Variants in CYP2A13 observed in about 807,000 individuals in gnomAD.
CYP2A13 encodes cytochrome P450 family 2 subfamily A member 13, also known as cytochrome P450 2A13.
In CYP2A13, 30 loss-of-function variants were observed where a neutral mutation model predicts 39.4. The observed-to-expected ratio is 0.76, with a 90% CI of 0.57 to 1.03. The LOEUF is 1.03. Ranked by LOEUF, CYP2A13 falls within the 50% of genes least tolerant of loss-of-function variation. CYP2A13 has a pLI of 0.00. For missense variants in CYP2A13, 731 were observed against 648.4 expected (o/e 1.13, Z -1.38); for synonymous variants, 269 against 254.7 (o/e 1.06, Z -0.54).
At chr19:41,095,738 C>T in intron 8 of CYP2A13, 22 bp from the exon 9 acceptor site, 1 of 1,613,406 alleles carries the variant, frequency 6.2e-7, no homozygotes, top group South Asian at 1.1e-5. Context: ...TCACCTTCAC[C>T]CCTCCTGCCT....
At position 41,095,916 on chromosome 19, in the gene CYP2A13, A is replaced by G. The variant is rs1301752763; in HGVS notation, c.1460A>G (p.Tyr487Cys). ...HVGFATIPRN[Y>C]TMSFLPR ...GGCTTTGCCACGATCCCACGAAACT[A>G]CACCATGAGCTTCCTGCCCCGCTGA... The change falls in exon 9 of 9, where the codon TAC becomes TGC. Residue 487 changes from tyrosine (Y) to cysteine (C), a missense_variant. Coordinates refer to ENST00000330436, the MANE Select transcript of CYP2A13 (RefSeq NM_000766.5). The G allele has an allele frequency of 8.2e-6, 13 of 1,589,772 alleles. No individual in the cohort carries two copies. Among genetic ancestry groups the G allele is most frequent in the Non-Finnish European group, 1.1e-5 (13 of 1,165,728 alleles).
chr19:41,090,247 G>C (rs755015057), intron 3 of CYP2A13, 51 bp downstream of exon 3: 21 of 1,549,212 alleles, frequency 1.4e-5, no homozygotes, highest in Admixed American at 5.7e-5. Flanking sequence ...TTTCTGCCTG[G>C]GGATGGGGAC....
chr19:41,089,234 T>G, intron 2 of CYP2A13, 143 bp downstream of exon 2: 1 of 1,444,382 alleles, frequency 6.9e-7, no homozygotes, highest in African/African-American at 1.4e-5. Flanking sequence ...CCCTTCATCG[T>G]GGCCTCTCCC....
intron 2 of CYP2A13, among the ~76,000 whole-genome samples, 180 bp from the exon 3 acceptor site, chr19:41,089,867 T>TG: frequency 9.1e-6 from 1 of 110,490 alleles, no homozygotes; most frequent in Admixed American, 9.5e-5. Flanking sequence ...TCTCTCTCTC[T>TG]CTCTCGTGCT....
At chr19:41,092,011 C>G (rs540160380) in intron 5 of CYP2A13, 103 bp downstream of exon 5, 2 of 1,512,350 alleles carry the variant, frequency 1.3e-6, no homozygotes, top group African/African-American at 1.4e-5. Context: ...AATTAGCCCT[C>G]GTCATAATAA....
At chr19:41,094,536 C>A in intron 7 of CYP2A13, 104 bp downstream of exon 7, 1 of 1,336,588 alleles carries the variant, frequency 7.5e-7, no homozygotes, top group Non-Finnish European at 1.1e-6. Context: ...CTCTGTCCCA[C>A]TCCCTCAATC....
chr19:41,090,045 A>G lies in CYP2A13; in HGVS notation c.344-2A>G, dbSNP rs1353814997. 20 of 1,610,558 alleles carry G rather than the reference A, an allele frequency of 1.2e-5. No homozygotes were observed. Among genetic ancestry groups the G allele is most frequent in the Non-Finnish European group, 1.7e-5 (20 of 1,178,998 alleles). On this transcript the variant is annotated splice_acceptor_variant, in intron 2 of 8. Coordinates refer to ENST00000330436, the MANE Select transcript of CYP2A13 (RefSeq NM_000766.5). LOFTEE classifies it high-confidence loss of function. ...TCTCCACCCCCGCGTTCACCTCCCCAGGCGTGGCGTTCAGCAACGGGGAGC... is the reference window on the plus strand; with the variant it reads ...TCTCCACCCCCGCGTTCACCTCCCCGGGCGTGGCGTTCAGCAACGGGGAGC...
intron 3 of CYP2A13, 92 bp from the exon 4 acceptor site, chr19:41,090,312 G>T: frequency 1.9e-6 from 3 of 1,587,996 alleles, no homozygotes; most frequent in Non-Finnish European, 2.6e-6. Context: ...CTGGGATTCG[G>T]CTCAACAGGG....
Position 41,088,767 on chromosome 19 carries a change from T to G in CYP2A13, c.180+116T>G, listed in dbSNP as rs1366994549. 1.2e-5 allele frequency: 19 copies of G among 1,534,288 alleles called. No individual in the cohort carries two copies. The Admixed American group carries it at 2.0e-4, about 16-fold the overall frequency. ...AGTCTTAGGAAAGGGAGTCTTGGAGTTTCAGCATCAGGGTCCTAGCAGGAA... is the reference window on the plus strand; with the variant it reads ...AGTCTTAGGAAAGGGAGTCTTGGAGGTTCAGCATCAGGGTCCTAGCAGGAA... On this transcript the variant is annotated intron_variant, in intron 1 of 8. Coordinates refer to ENST00000330436, the MANE Select transcript of CYP2A13 (RefSeq NM_000766.5).
Position 41,095,752 on chromosome 19 carries a change from C to T in CYP2A13, c.1304-8C>T, listed in dbSNP as rs371228512. On this transcript the variant is annotated splice_region_variant and splice_polypyrimidine_tract_variant and intron_variant, in intron 8 of 8. Transcript: ENST00000330436. ...TTCACCTTCACCCCTCCTGCCTCTC[C>T]TCCTCAGGAAAGCGGTACTGTTTTG... 23 of 1,613,968 alleles carry T rather than the reference C, an allele frequency of 1.4e-5. No individual in the cohort carries two copies. Among genetic ancestry groups the T allele is most frequent in the East Asian group, 4.5e-5 (2 of 44,884 alleles).
chr19:41,093,344 C>T (rs1193836557), intron 5 of CYP2A13, among the ~76,000 whole-genome samples: 1 of 151,512 alleles, frequency 6.6e-6, no homozygotes, highest in Non-Finnish European at 1.5e-5. Flanking sequence ...GCCTGTGCAA[C>T]TTAGCAAGAC....
At chr19:41,094,072 G>A (rs2031246891) in intron 6 of CYP2A13, among the ~76,000 whole-genome samples, 173 bp from the exon 7 acceptor site, 1 of 152,072 alleles carries the variant, frequency 6.6e-6, no homozygotes, top group African/African-American at 2.4e-5. Context: ...GACACAACCT[G>A]GTTTAACAGG....
rs374117246 is a variant in CYP2A13 at position 41,088,457 on chromosome 19, C to T, written c.-15C>T. On this transcript the variant is annotated 5_prime_UTR_variant, in exon 1 of 9. Transcript: ENST00000330436. ...AACCACCCCAGCCATCACCATCTAT[C>T]ATCCCACTGCCACCATGCTGGCCTC... 7 of 1,610,128 alleles carry T rather than the reference C, an allele frequency of 4.3e-6. No homozygotes were observed. The highest frequency in any genetic ancestry group is 1.1e-5 in the South Asian group (1 of 90,580).
chr19:41,090,837 C>T (rs1645691), intron 4 of CYP2A13, among the ~76,000 whole-genome samples: 6,274 of 152,252 alleles, frequency 0.041, 424 homozygotes, highest in African/African-American at 0.14. Flanking sequence ...CACCTGGGCA[C>T]ATGTTCCCAT....
intron 1 of CYP2A13, 29 bp downstream of exon 1, chr19:41,088,680 C>T (rs376851582): frequency 2.6e-5 from 41 of 1,599,804 alleles, no homozygotes; most frequent in Middle Eastern, 1.7e-4. Context: ...ATGGGTGGCA[C>T]GGGGTGGGGG....
intron 6 of CYP2A13, 88 bp downstream of exon 6, chr19:41,093,859 C>A: frequency 6.7e-7 from 1 of 1,497,384 alleles, no homozygotes; most frequent in Non-Finnish European, 9.0e-7. Context: ...ATCCCAGATC[C>A]CAGGACCCTG....
intron 8 of CYP2A13, 140 bp from the exon 9 acceptor site, chr19:41,095,620 G>A: frequency 9.1e-7 from 1 of 1,098,756 alleles, no homozygotes; most frequent in South Asian, 1.6e-5. Flanking sequence ...AGCTCAGGGA[G>A]GATCGGAGTC....
chr19:41,094,994 G>T lies in CYP2A13; in HGVS notation c.1197G>T (p.Leu399=), dbSNP rs946422449. The T allele has an allele frequency of 6.2e-7, 1 of 1,614,080 alleles. No individual in the cohort carries two copies. The highest frequency in any genetic ancestry group is 1.1e-5 in the South Asian group (1 of 91,062). The part of the protein sequence containing the change: ...TEVFPMLGSV[L]RDPRFFSNPR... ...TGTTCCCTATGCTGGGCTCCGTGCT[G>T]AGAGACCCCAGGTTCTTCTCCAACC... Residue 399 remains leucine (L), a synonymous_variant, in exon 8 of 9, where the codon CTG becomes CTT. Coordinates refer to ENST00000330436, the MANE Select transcript of CYP2A13 (RefSeq NM_000766.5).
intron 5 of CYP2A13, among the ~76,000 whole-genome samples, chr19:41,092,801 C>T (rs180940650): frequency 1.1e-3 from 162 of 152,262 alleles, no homozygotes; most frequent in Admixed American, 1.7e-3. Flanking sequence ...TTTAGGGAAT[C>T]CAAAGCTCAG....
Sources: gnomAD v4.1 joint callset for allele counts (sites outside exome capture counted in the v4.1 genomes callset) on GRCh38, gnomAD v4.1.1 for gene constraint, MANE v1.5 for transcripts, NCBI Gene and HGNC (gene_info 2026-07-23, HGNC 2026-07-21) for gene names.